Variants in KLHL1 observed in about 807,000 individuals in gnomAD.
KLHL1 encodes kelch-like protein 1.
In KLHL1, 47 loss-of-function variants were observed where a neutral mutation model predicts 77.7. The ratio of observed to expected loss-of-function variants is 0.60; its 90% CI spans 0.48 to 0.77. The LOEUF is 0.77. Among genes scored for constraint, KLHL1 ranks in the 30% least tolerant of loss-of-function variants. KLHL1 has a pLI of 0.00. For synonymous variants in KLHL1, 360 were observed against 325.2 expected (o/e 1.11, Z -1.15); for missense variants, 925 against 910.8 (o/e 1.02, Z -0.20).
At position 70,060,812 on chromosome 13, in the gene KLHL1, C is replaced by G. The variant is rs1046555057; in HGVS notation, c.497+46391G>C. On this transcript the variant is annotated intron_variant, in intron 1 of 10. Transcript: ENST00000377844. ...AGTGAGCCGAGATGGCACCATTGCA[C>G]TCCAACCTGGGCAACAAGAGTGAAA... 5.9e-5 allele frequency among the ~76,000 whole-genome samples: 9 copies of G among 151,326 alleles called. No homozygotes were observed. The South Asian group carries it at 1.7e-3, about 28-fold the overall frequency.
intron 1 of KLHL1, among the ~76,000 whole-genome samples, chr13:70,034,276 G>T (rs978281755): frequency 1.3e-5 from 2 of 152,082 alleles, no homozygotes; most frequent in African/African-American, 2.4e-5. Flanking sequence ...CACAACTGAC[G>T]AATTTTGACT....
At chr13:70,075,569 G>A (rs866545813) in intron 1 of KLHL1, among the ~76,000 whole-genome samples, 7 of 106,678 alleles carry the variant, frequency 6.6e-5, no homozygotes, top group African/African-American at 1.8e-4. Flanking sequence ...GTGTGTATGT[G>A]TATATATATA....
At chr13:69,710,361 G>A (rs1432271808) in intron 9 of KLHL1, among the ~76,000 whole-genome samples, 1 of 151,904 alleles carries the variant, frequency 6.6e-6, no homozygotes, top group Non-Finnish European at 1.5e-5. Flanking sequence ...CTTTGAATTA[G>A]ATGTGCCTGT....
At chr13:70,039,238 TTTTG>T (rs966176962) in intron 1 of KLHL1, among the ~76,000 whole-genome samples, 43 of 150,478 alleles carry the variant, frequency 2.9e-4, no homozygotes, top group Admixed American at 6.0e-4. Context: ...CCAGCTAATT[TTTTG>T]TTTGTTTGTT....
chr13:70,069,719 A>C (rs1170187170), intron 1 of KLHL1, among the ~76,000 whole-genome samples: 1 of 152,216 alleles, frequency 6.6e-6, no homozygotes, highest in East Asian at 1.9e-4. Context: ...AGACTGAACA[A>C]AACCAAGGAA....
chr13:70,025,864 G>C (rs1366607482), intron 1 of KLHL1, among the ~76,000 whole-genome samples: 1 of 151,948 alleles, frequency 6.6e-6, no homozygotes, highest in Non-Finnish European at 1.5e-5. Context: ...TGACTGCTCA[G>C]CTGTTAAAAT....
chr13:69,787,337 G>A (rs1456509675), intron 7 of KLHL1, among the ~76,000 whole-genome samples: 2 of 152,100 alleles, frequency 1.3e-5, no homozygotes, highest in Middle Eastern at 3.2e-3. Context: ...ACAGAACAGA[G>A]CCCTCAGAAA....
intron 5 of KLHL1, among the ~76,000 whole-genome samples, chr13:69,845,065 T>C (rs1879407856): frequency 6.6e-6 from 1 of 151,666 alleles, no homozygotes; most frequent in Non-Finnish European, 1.5e-5. Context: ...AACCTTGCTG[T>C]GCACACTAAT....
chr13:69,937,123 G>T (rs1405568161), intron 4 of KLHL1, among the ~76,000 whole-genome samples: 1 of 152,152 alleles, frequency 6.6e-6, no homozygotes, highest in East Asian at 1.9e-4. Context: ...GAGGGAAGTA[G>T]CAATGATGAC....
intron 2 of KLHL1, among the ~76,000 whole-genome samples, chr13:69,962,363 T>C (rs1884092035): frequency 6.6e-6 from 1 of 152,072 alleles, no homozygotes. Context: ...ATTCTGCTAT[T>C]TCTTTTTACA....
chr13:70,027,652 G>GTTTTGTTTT (rs1885986571), intron 1 of KLHL1, among the ~76,000 whole-genome samples: 1 of 135,846 alleles, frequency 7.4e-6, no homozygotes, highest in African/African-American at 2.7e-5. Context: ...AATGTAAGTT[G>GTTTTGTTTT]TTTTTTTTTT....
At chr13:70,000,337 G>C (rs545435019) in intron 1 of KLHL1, among the ~76,000 whole-genome samples, 2 of 151,888 alleles carry the variant, frequency 1.3e-5, no homozygotes. Flanking sequence ...AATGAAAGTA[G>C]CTAAAATGTT....
intron 1 of KLHL1, among the ~76,000 whole-genome samples, chr13:70,087,705 C>G (rs1441137201): frequency 3.3e-5 from 5 of 152,082 alleles, no homozygotes; most frequent in Non-Finnish European, 5.9e-5. Context: ...GAAAAACAAC[C>G]AGAGCTTTTG....
intron 1 of KLHL1, among the ~76,000 whole-genome samples, chr13:70,009,078 C>G (rs1043443659): frequency 6.6e-6 from 1 of 151,930 alleles, no homozygotes; most frequent in African/African-American, 2.4e-5. Context: ...TTTTGAAAAA[C>G]CTTATGTATT....
chr13:70,019,248 CGT>C lies in KLHL1; in HGVS notation c.498-43448_498-43447del, dbSNP rs564854134. 2.8e-3 allele frequency among the ~76,000 whole-genome samples: 431 copies of C among 152,052 alleles called. 1 individual carries two copies. Among genetic ancestry groups the C allele is most frequent in the Non-Finnish European group, 5.2e-3 (351 of 67,966 alleles). On this transcript the variant is annotated intron_variant, in intron 1 of 10. Coordinates refer to ENST00000377844, the MANE Select transcript of KLHL1 (RefSeq NM_020866.3). ...GTCCAAAGAAGAGAACAAATGGAAA[CGT>C]AATATGTTGAAAAGTCTAAAGGAAA...
At chr13:69,707,242 T>C (rs1875666612) in intron 10 of KLHL1, among the ~76,000 whole-genome samples, 1 of 152,004 alleles carries the variant, frequency 6.6e-6, no homozygotes, top group South Asian at 2.1e-4. Context: ...CAAAAATGAA[T>C]GCCAGGAAGG....
At position 70,107,594 on chromosome 13, in the gene KLHL1, C is replaced by T. The variant is rs746410016; in HGVS notation, c.106G>A (p.Gly36Ser). 1.9e-6 allele frequency: 3 copies of T among 1,598,850 alleles called. No homozygotes were observed. The highest frequency in any genetic ancestry group is 2.3e-5 in the South Asian group (2 of 88,784). The change falls in exon 1 of 11, where the codon GGC becomes AGC. Residue 36 changes from glycine to serine, a missense_variant. Coordinates refer to ENST00000377844, the MANE Select transcript of KLHL1 (RefSeq NM_020866.3). The stretch of plus-strand genomic sequence containing the variant: ...CCACTGCCGTCCTGTTGCAGGCAGC[C>T]TCCCCCCGCCGGGCCGCCGGTGGAA... ...SPSTGGPAGG[G>S]CLQQDGSGSF...
chr13:69,907,030 T>G (rs1882067511), intron 4 of KLHL1, among the ~76,000 whole-genome samples: 1 of 152,014 alleles, frequency 6.6e-6, no homozygotes, highest in Admixed American at 6.6e-5. Context: ...CAAACTTTCC[T>G]TTAAATCTTA....
rs145734248 is a variant in KLHL1 at position 69,871,991 on chromosome 13, T to G, written c.1227+10292A>C. On this transcript the variant is annotated intron_variant, in intron 5 of 10. Transcript: ENST00000377844. ...GCTTCCACATTTTCAGGAATCTTTA[T>G]AGCAACACTGACTCTCCGTATCAAT... Among the ~76,000 whole-genome samples, 162 of 152,288 alleles carry G rather than the reference T, an allele frequency of 1.1e-3. 2 individuals are homozygous for G. The highest frequency in any genetic ancestry group is 9.5e-3 in the East Asian group (49 of 5,166).
Sources: allele counts gnomAD v4.1 joint callset (sites outside exome capture counted in the v4.1 genomes callset), GRCh38; gene constraint gnomAD v4.1.1; transcripts MANE v1.5; gene names NCBI Gene and HGNC (gene_info 2026-07-23, HGNC 2026-07-21).